The following NADK2 variants were observed in gnomAD, a reference collection of about 807,000 sequenced individuals.
NADK2 encodes NAD kinase domain-containing protein 1, mitochondrial.
A neutral mutation model predicts 62.1 loss-of-function variants in NADK2; 35 were observed. The ratio of observed to expected loss-of-function variants is 0.56; its 90% CI spans 0.43 to 0.75. NADK2 has a LOEUF of 0.75. Ranked by LOEUF, NADK2 falls within the 30% of genes least tolerant of loss-of-function variation. The pLI, the probability that NADK2 is intolerant of heterozygous loss-of-function variation, is 0.00. For missense variants in NADK2, 439 were observed against 561.3 expected (o/e 0.78, Z 2.20); for synonymous variants, 205 against 207.9 (o/e 0.99, Z 0.12).
chr5:36,227,435 T>C, intron 2 of NADK2, 42 bp downstream of exon 2: 3 of 1,013,490 alleles, frequency 3.0e-6, no homozygotes, highest in Non-Finnish European at 4.0e-6. Context: ...CTGGAAGTCC[T>C]GAATATAAAA....
chr5:36,213,618 C>CATATATATATATATATAT (rs58371779), intron 6 of NADK2, among the ~76,000 whole-genome samples: 29,726 of 107,076 alleles, frequency 0.28, 4,939 homozygotes, highest in Non-Finnish European at 0.32. Context: ...TATATGCATG[C>CATATATATATATATATAT]ATATATATAT....
chr5:36,226,015 T>C (rs1747467996), intron 3 of NADK2, among the ~76,000 whole-genome samples: 1 of 152,188 alleles, frequency 6.6e-6, no homozygotes, highest in Middle Eastern at 3.2e-3. Flanking sequence ...ACATATCCAA[T>C]GTGTCCAACT....
intron 8 of NADK2, 74 bp downstream of exon 8, chr5:36,207,096 C>T: frequency 8.0e-7 from 1 of 1,256,306 alleles, no homozygotes; most frequent in Non-Finnish European, 1.2e-6. Flanking sequence ...TATTACAGGC[C>T]TTAGATGGGC....
intron 3 of NADK2, 39 bp downstream of exon 3, chr5:36,226,436 T>C (rs1747485057): frequency 2.7e-6 from 4 of 1,496,384 alleles, no homozygotes; most frequent in Admixed American, 1.7e-5. Context: ...TATTAAACAT[T>C]TGTATATGCC....
At chr5:36,209,672 T>G (rs1403699326) in intron 7 of NADK2, among the ~76,000 whole-genome samples, 1 of 152,142 alleles carries the variant, frequency 6.6e-6, no homozygotes, top group South Asian at 2.1e-4. Flanking sequence ...AAACTTTATA[T>G]GTAGCAAAAG....
chr5:36,203,346 T>C (rs550299099), intron 8 of NADK2, among the ~76,000 whole-genome samples: 2 of 152,228 alleles, frequency 1.3e-5, no homozygotes, highest in East Asian at 3.9e-4. Context: ...CCAGCCCCTC[T>C]GGCTCCTCGG....
intron 7 of NADK2, 50 bp downstream of exon 7, chr5:36,211,794 A>T: frequency 6.8e-7 from 1 of 1,467,446 alleles, no homozygotes. Flanking sequence ...AAATATCCAA[A>T]AGCACTAAAA....
At position 36,198,212 on chromosome 5, in the gene NADK2, G is replaced by A. The variant is rs111498642; in HGVS notation, c.1067-548C>T. Among the ~76,000 whole-genome samples, 1,432 of 152,058 alleles carry A rather than the reference G, an allele frequency of 9.4e-3. 9 individuals carry two copies. Among genetic ancestry groups the A allele is most frequent in the Non-Finnish European group, 0.014 (956 of 67,926 alleles). On this transcript the variant is annotated intron_variant, in intron 10 of 11. Coordinates refer to ENST00000381937, the MANE Select transcript of NADK2 (RefSeq NM_001085411.3). ...CTAATCAAGAGGTACAGGAGGGCTG[G>A]AATACAAAGCACAAATTGGTTGAGA...
Position 36,200,215 on chromosome 5 carries a change from T to A in NADK2, c.1066+12A>T, listed in dbSNP as rs889960113. 3 of 1,564,828 alleles carry A rather than the reference T, an allele frequency of 1.9e-6. No individual in the cohort carries two copies. The African/African-American group carries it at 4.1e-5, about 22-fold the overall frequency. On this transcript the variant is annotated intron_variant, in intron 10 of 11. Transcript: ENST00000381937. Reference sequence around the variant, plus strand: ...ACTAAACTGTTAGTGATTATTATCATTTGTCACTGACCTTTCTCTACCAAT... The same window carrying A: ...ACTAAACTGTTAGTGATTATTATCAATTGTCACTGACCTTTCTCTACCAAT...
chr5:36,236,792 T>A (rs1023139389), intron 1 of NADK2, among the ~76,000 whole-genome samples: 4 of 144,622 alleles, frequency 2.8e-5, no homozygotes, highest in African/African-American at 1.0e-4. Flanking sequence ...ACAATCTTGG[T>A]AGCCAGAGAA....
chr5:36,217,757 G>C lies in NADK2; in HGVS notation c.772C>G (p.His258Asp). 6.2e-7 allele frequency: 1 copy of C among 1,613,704 alleles called. No individual in the cohort carries two copies. The highest frequency in any genetic ancestry group is 8.5e-7 in the Non-Finnish European group (1 of 1,179,810). ...TGCCCAATCCACCTACTTTCATCAT[G>C]AGCTCTTTCAATGTTAAGGGCTCTA... ...HNRALNIERA[H>D]DERSEASGPQ... The change falls in exon 6 of 12, where the codon CAT becomes GAT. Residue 258 changes from histidine to aspartate, a missense_variant. His to Asp is a moderately conservative substitution (Grantham distance 81, BLOSUM62 -1). Transcript: ENST00000381937.
At chr5:36,196,447 C>T (rs1011772790) in intron 11 of NADK2, among the ~76,000 whole-genome samples, 2 of 152,058 alleles carry the variant, frequency 1.3e-5, no homozygotes, top group Non-Finnish European at 2.9e-5. Flanking sequence ...AAATGCCTGA[C>T]TTTGGCCATT....
chr5:36,213,492 C>T (rs1433309331), intron 6 of NADK2, among the ~76,000 whole-genome samples: 1 of 151,470 alleles, frequency 6.6e-6, no homozygotes, highest in Non-Finnish European at 1.5e-5. Context: ...CCCAATTATT[C>T]TTTCAAATAT....
chr5:36,231,689 C>T (rs1051156475), intron 1 of NADK2, among the ~76,000 whole-genome samples: 1 of 152,112 alleles, frequency 6.6e-6, no homozygotes, highest in African/African-American at 2.4e-5. Flanking sequence ...AAGGCATATG[C>T]AAAAGCTGGT....
rs1429938708 is a variant in NADK2 at position 36,193,484 on chromosome 5, A to G, written c.*1660T>C. 1.3e-5 allele frequency: 2 copies of G among 151,516 alleles called. No individual in the cohort carries two copies. Among genetic ancestry groups the G allele is most frequent in the Non-Finnish European group, 2.9e-5 (2 of 67,964 alleles). The allele number at this position is 151,516 out of a possible 1,614,324, so 9.4% of individuals were successfully genotyped here. On this transcript the variant is annotated 3_prime_UTR_variant, in exon 12 of 12. Transcript: ENST00000381937. ...GCAAGACTCCGTTCTCAAAAAAAAA[A>G]AAAAAAAAAAAGAAGGTATTTTAAG...
chr5:36,233,100 A>C (rs1436718081), intron 1 of NADK2, among the ~76,000 whole-genome samples: 1 of 152,176 alleles, frequency 6.6e-6, no homozygotes, highest in Non-Finnish European at 1.5e-5. Context: ...AAATAATTAC[A>C]TCTGTGAAGT....
chr5:36,225,824 C>A (rs919924187), intron 3 of NADK2, among the ~76,000 whole-genome samples: 2 of 152,192 alleles, frequency 1.3e-5, no homozygotes, highest in African/African-American at 4.8e-5. Flanking sequence ...GGCAAGATTA[C>A]ATTTAGGCAG....
chr5:36,198,505 A>AGT (rs1746315595), intron 10 of NADK2, among the ~76,000 whole-genome samples: 1 of 151,304 alleles, frequency 6.6e-6, no homozygotes, highest in Admixed American at 6.6e-5. Context: ...TTCTGAAGAT[A>AGT]GTCAAATCTT....
chr5:36,242,252 A>G (rs10075150), upstream of NADK2: 64,661 of 152,158 alleles, frequency 0.42, 14,634 homozygotes, highest in South Asian at 0.71. Context: ...CTGCGGCCTG[A>G]GAAAGAGGTA....
Sources: gnomAD v4.1 joint callset for allele counts (sites outside exome capture counted in the v4.1 genomes callset) on GRCh38, gnomAD v4.1.1 for gene constraint, MANE v1.5 for transcripts, NCBI Gene and HGNC (gene_info 2026-07-23, HGNC 2026-07-21) for gene names.